KLHL29: variants seen among roughly 807,000 people sequenced by gnomAD.
KLHL29 encodes the protein kelch-like protein 29.
Under a neutral mutation model 80.4 loss-of-function variants are expected in KLHL29, and 21 were observed. That is an observed-to-expected ratio of 0.26 (90% confidence interval 0.19 to 0.38). The LOEUF is 0.38. Among genes scored for constraint, KLHL29 ranks in the 10% least tolerant of loss-of-function variants. The pLI, the probability that KLHL29 is intolerant of heterozygous loss-of-function variation, is 1.00. For synonymous variants in KLHL29, 511 were observed against 526.8 expected (o/e 0.97, Z 0.41); for missense variants, 867 against 1,223.9 (o/e 0.71, Z 4.35).
At chr2:23,406,540 G>A (rs17045304) in intron 1 of KLHL29, among the ~76,000 whole-genome samples, 7,618 of 152,032 alleles carry the variant, frequency 0.05, 200 homozygotes, top group Middle Eastern at 0.1. Flanking sequence ...CTTCCGGATG[G>A]CTTCATTTAT....
At chr2:23,420,144 G>A (rs1374392368) in intron 1 of KLHL29, among the ~76,000 whole-genome samples, 2 of 152,112 alleles carry the variant, frequency 1.3e-5, no homozygotes, top group African/African-American at 4.8e-5. Flanking sequence ...CTGTACCTGT[G>A]TCCCCTCCTG....
At chr2:23,665,624 G>A (rs1670533100) in intron 5 of KLHL29, among the ~76,000 whole-genome samples, 1 of 152,204 alleles carries the variant, frequency 6.6e-6, no homozygotes, top group African/African-American at 2.4e-5. Flanking sequence ...TGTACGGGAA[G>A]CATGGCACCA....
In KLHL29 at chr2:23,642,664, G is replaced by T; in HGVS notation, c.754G>T (p.Val252Leu). ...GGTGGCCCGCCCAGGACCCACCGCT[G>T]TGGGCAACGGCCACATGGCAGGGCC... ...GQVARPGPTAVGNGHMAGPLL... is the reference protein window; with the variant it reads ...GQVARPGPTALGNGHMAGPLL... Residue 252 changes from valine (V) to leucine (L), a missense_variant, in exon 5 of 14, where the codon GTG becomes TTG. This residue lies in a region of KLHL29 where 424 missense variants were observed against 456.9 expected (regional missense o/e 0.93). Coordinates refer to ENST00000486442, the MANE Select transcript of KLHL29 (RefSeq NM_052920.2). 1 of 1,548,198 alleles carries T rather than the reference G, an allele frequency of 6.5e-7. No homozygotes were observed. The highest frequency in any genetic ancestry group is 1.2e-5 in the South Asian group (1 of 83,946).
At chr2:23,652,669 A>G (rs1412197098) in intron 5 of KLHL29, among the ~76,000 whole-genome samples, 1 of 152,260 alleles carries the variant, frequency 6.6e-6, no homozygotes, top group Non-Finnish European at 1.5e-5. Flanking sequence ...GGTCTTGAGC[A>G]TCACACTGCA....
At chr2:23,644,567 A>G (rs1401863777) in intron 5 of KLHL29, among the ~76,000 whole-genome samples, 2 of 152,216 alleles carry the variant, frequency 1.3e-5, no homozygotes, top group African/African-American at 4.8e-5. Flanking sequence ...TGCCCCACCA[A>G]AGCTGCTGGG....
At chr2:23,540,620 A>G (rs1361838558) in intron 2 of KLHL29, among the ~76,000 whole-genome samples, 1 of 152,240 alleles carries the variant, frequency 6.6e-6, no homozygotes, top group Admixed American at 6.5e-5. Context: ...TTTTGGTTGC[A>G]GTAGATGGGA....
intron 3 of KLHL29, among the ~76,000 whole-genome samples, chr2:23,579,161 G>C (rs558178553): frequency 2.0e-5 from 3 of 152,132 alleles, no homozygotes; most frequent in Non-Finnish European, 2.9e-5. Flanking sequence ...TCCATGTTTT[G>C]TCTCCATTCT....
chr2:23,576,710 A>C (rs1217684894), intron 3 of KLHL29, among the ~76,000 whole-genome samples: 2 of 152,190 alleles, frequency 1.3e-5, no homozygotes, highest in Non-Finnish European at 2.9e-5. Flanking sequence ...ATGAGCACCG[A>C]GCAGAAATTA....
intron 1 of KLHL29, among the ~76,000 whole-genome samples, chr2:23,411,587 G>GCAAGAGTTTTCT (rs1558328291): frequency 6.6e-6 from 1 of 152,048 alleles, no homozygotes; most frequent in Non-Finnish European, 1.5e-5. Flanking sequence ...TGTGTGTGCC[G>GCAAGAGTTTTCT]CAAGAGTTTT....
intron 2 of KLHL29, among the ~76,000 whole-genome samples, chr2:23,537,152 C>T (rs11678782): frequency 6.6e-6 from 1 of 152,036 alleles, no homozygotes; most frequent in South Asian, 2.1e-4. Flanking sequence ...GTCCTGAGTT[C>T]CCTTTCAGTC....
At chr2:23,486,354 G>T (rs1664932772) in intron 2 of KLHL29, among the ~76,000 whole-genome samples, 1 of 151,792 alleles carries the variant, frequency 6.6e-6, no homozygotes, top group African/African-American at 2.4e-5. Context: ...GAGATGCTGG[G>T]GCTTATCCCT....
intron 3 of KLHL29, among the ~76,000 whole-genome samples, chr2:23,614,765 C>T (rs1668958316): frequency 6.6e-6 from 1 of 151,952 alleles, no homozygotes; most frequent in Non-Finnish European, 1.5e-5. Context: ...TCACTCGGGT[C>T]GCTGATCGCT....
intron 2 of KLHL29, among the ~76,000 whole-genome samples, chr2:23,534,843 G>A (rs1276390159): frequency 2.0e-5 from 3 of 152,230 alleles, no homozygotes; most frequent in African/African-American, 7.2e-5. Context: ...TTAGAGCTGA[G>A]GGCATCTTGG....
chr2:23,684,980 C>A lies in KLHL29; in HGVS notation c.1079+443C>A, dbSNP rs948034567. On this transcript the variant is annotated intron_variant, in intron 6 of 13. Transcript: ENST00000486442. This position sits in a 1 kb window ranked among gnomAD's most constrained non-coding sequence, Gnocchi z 4.4. ...TCGGTGGTGACTAATGCCAGGAAAG[C>A]GCATCGGCCAGGCTGTCCCTGCTGA... is the stretch of plus-strand genomic sequence containing the variant. 6.6e-6 allele frequency among the ~76,000 whole-genome samples: 1 copy of A among 152,208 alleles called. No individual in the cohort carries two copies. Among genetic ancestry groups the A allele is most frequent in the African/African-American group, 2.4e-5 (1 of 41,450 alleles).
chr2:23,457,090 G>A lies in KLHL29; in HGVS notation c.-153-18470G>A, dbSNP rs1265089631. Among the ~76,000 whole-genome samples, 1 of 152,374 alleles carries A rather than the reference G, an allele frequency of 6.6e-6. No individual in the cohort carries two copies. Among genetic ancestry groups the A allele is most frequent in the South Asian group, 2.1e-4 (1 of 4,828 alleles). On this transcript the variant is annotated intron_variant, in intron 1 of 13. Coordinates refer to ENST00000486442, the MANE Select transcript of KLHL29 (RefSeq NM_052920.2). The surrounding 1 kb of genome is among the most constrained non-coding windows in gnomAD (Gnocchi z 4.3). ...CAGGCATCTGCTGAGACCCTCCCTT[G>A]TGCCAGGCCCTGTGCCTTCCCGACG...
At chr2:23,654,765 A>C (rs1160837922) in intron 5 of KLHL29, among the ~76,000 whole-genome samples, 1 of 146,500 alleles carries the variant, frequency 6.8e-6, no homozygotes, top group Non-Finnish European at 1.5e-5. Context: ...CCCCGTATTT[A>C]TGTATTCCTT....
At chr2:23,427,996 GTC>G (rs1423696205) in intron 1 of KLHL29, among the ~76,000 whole-genome samples, 1 of 152,210 alleles carries the variant, frequency 6.6e-6, no homozygotes, top group Non-Finnish European at 1.5e-5. Flanking sequence ...GCCAGAGTCT[GTC>G]TCTGCCTGCA....
intron 5 of KLHL29, among the ~76,000 whole-genome samples, chr2:23,670,917 G>GCGCC (rs150131401): frequency 3.2e-4 from 6 of 18,568 alleles, no homozygotes; most frequent in African/African-American, 9.6e-4. Flanking sequence ...ACATGCACGC[G>GCGCC]CTCTCTCTCT....
chr2:23,484,896 C>T (rs6712599), intron 2 of KLHL29, among the ~76,000 whole-genome samples: 118,955 of 151,484 alleles, frequency 0.79, 46,868 homozygotes, highest in East Asian at 0.92. Flanking sequence ...CACTTGGTCC[C>T]GCTGAGCAAG....
Sources: allele counts gnomAD v4.1 joint callset (sites outside exome capture counted in the v4.1 genomes callset), GRCh38; gene constraint gnomAD v4.1.1; regional missense constraint gnomAD v4.1.1; non-coding constraint Gnocchi (gnomAD v3.1); transcripts MANE v1.5; gene names NCBI Gene and HGNC (gene_info 2026-07-23, HGNC 2026-07-21).